RAVER1: variants seen among roughly 807,000 people sequenced by gnomAD.
RAVER1 encodes the protein ribonucleoprotein PTB-binding 1.
RAVER1 carries 36 observed loss-of-function variants against 68.4 expected under a neutral mutation model. The ratio of observed to expected loss-of-function variants is 0.53; its 90% CI spans 0.40 to 0.70. The LOEUF (loss-of-function observed/expected upper bound fraction) is 0.70, where lower values mean the gene tolerates loss of function less well. Among genes scored for constraint, RAVER1 ranks in the 30% least tolerant of loss-of-function variants. The pLI, the probability that RAVER1 is intolerant of heterozygous loss-of-function variation, is 0.00. For synonymous variants in RAVER1, 469 were observed against 472.7 expected, an observed-to-expected ratio of 0.99 and a Z score of 0.10; for missense variants, 933 against 1,019.8, an observed-to-expected ratio of 0.91 and a Z score of 1.16.
Position 10,317,216 on chromosome 19 carries a change from T to C in RAVER1, c.*238A>G. Reference sequence around the variant, plus strand: ...GGGAGGGAGAGCAGGCCGGGGCCCCTCTCTCTTAAGGCTGCAGGGTTTCAG... The same window carrying C: ...GGGAGGGAGAGCAGGCCGGGGCCCCCCTCTCTTAAGGCTGCAGGGTTTCAG... On this transcript the variant is annotated 3_prime_UTR_variant, in exon 13 of 13. Transcript: ENST00000617231. This position sits in a 1 kb window ranked among gnomAD's most constrained non-coding sequence, Gnocchi z 4.3. The C allele has an allele frequency of 1.8e-6, 1 of 543,688 alleles. No individual in the cohort carries two copies. The allele number at this position is 543,688 out of a possible 1,614,324, so 33.7% of individuals were successfully genotyped here. A position where few individuals can be genotyped will look rare whatever the true frequency, so the allele number is the denominator to read the frequency against.
Position 10,330,572 on chromosome 19 carries a change from G to A in RAVER1, c.220-46C>T, listed in dbSNP as rs750864005. On this transcript the variant is annotated intron_variant, in intron 1 of 12. Transcript: ENST00000617231. ...AGACAGGGAGTTACTGGAGATGGAAGGGGGCAACCCAGTGCCGCTTCATAG... is the reference window on the plus strand; with the variant it reads ...AGACAGGGAGTTACTGGAGATGGAAAGGGGCAACCCAGTGCCGCTTCATAG... The A allele has an allele frequency of 1.3e-5, 12 of 935,438 alleles. No homozygotes were observed. In the South Asian group the frequency reaches 1.5e-4, roughly 12 times the overall value. 57.9% of individuals were successfully genotyped at this position (935,438 alleles called of 1,614,324 possible).
At chr19:10,321,765 C>T (rs969281877) in intron 6 of RAVER1, 147 bp from the exon 7 acceptor site, 49 of 480,764 alleles carry the variant, frequency 1.0e-4, no homozygotes, top group Non-Finnish European at 1.2e-4. Flanking sequence ...CAGTGCCCGC[C>T]ACACTCCAAC....
rs578088311 is a variant in RAVER1, at chr19:10,316,906, A to C, written c.*548T>G. ...CAGGAGACAGCCATGCCTGCAGCAAATGTGGGAAAAACAGCTGTTTCAAAC... is the reference window on the plus strand; with the variant it reads ...CAGGAGACAGCCATGCCTGCAGCAACTGTGGGAAAAACAGCTGTTTCAAAC... On this transcript the variant is annotated 3_prime_UTR_variant, in exon 13 of 13. Transcript: ENST00000617231. 134 of 156,964 alleles carry C rather than the reference A, an allele frequency of 8.5e-4. No individual in the cohort carries two copies. Among genetic ancestry groups the C allele is most frequent in the Admixed American group, 2.9e-3 (44 of 15,414 alleles). 9.7% of individuals were successfully genotyped at this position (156,964 alleles called of 1,614,324 possible). A position where few individuals can be genotyped will look rare whatever the true frequency, so the allele number is the denominator to read the frequency against.
intron 1 of RAVER1, among the ~76,000 whole-genome samples, chr19:10,331,380 A>T (rs1599306251): frequency 7.7e-6 from 1 of 129,312 alleles, no homozygotes; most frequent in Admixed American, 8.3e-5. Context: ...AAAAAAAAAA[A>T]AAATAACAAC....
Position 10,317,812 on chromosome 19 carries a change from G to A in RAVER1, c.1990-39C>T, listed in dbSNP as rs749424874. 2.0e-5 allele frequency: 26 copies of A among 1,270,608 alleles called. No individual in the cohort carries two copies. In the South Asian group the frequency reaches 2.9e-4, roughly 14 times the overall value. 78.7% of individuals were successfully genotyped at this position (1,270,608 alleles called of 1,614,324 possible). Reference sequence around the variant, plus strand: ...AGAGGTGGAACAGGTCACTCCCTGGGGGCCAGAGGAAGCACCCACCCCGCC... The same window carrying A: ...AGAGGTGGAACAGGTCACTCCCTGGAGGCCAGAGGAAGCACCCACCCCGCC... On this transcript the variant is annotated intron_variant, in intron 11 of 12. Transcript: ENST00000617231. This position sits in a 1 kb window ranked among gnomAD's most constrained non-coding sequence, Gnocchi z 4.3.
intron 9 of RAVER1, 105 bp downstream of exon 9, chr19:10,320,550 C>A: frequency 9.6e-7 from 1 of 1,038,816 alleles, no homozygotes; most frequent in Non-Finnish European, 1.4e-6. Flanking sequence ...GGCACGTTCC[C>A]TGCCGCCTCC....
chr19:10,329,040 C>A lies in RAVER1; in HGVS notation c.358G>T (p.Glu120Ter). The A allele has an allele frequency of 6.5e-7, 1 of 1,541,256 alleles. No individual in the cohort carries two copies. The highest frequency in any genetic ancestry group is 1.2e-5 in the South Asian group (1 of 80,348). Residue 120 changes from glutamate (E) to a stop codon, truncating the protein, a stop_gained, in exon 3 of 13, where the codon GAG becomes TAG. Coordinates refer to ENST00000617231, the MANE Select transcript of RAVER1 (RefSeq NM_133452.3). LOFTEE classifies it high-confidence loss of function. This position sits in a 1 kb window ranked among gnomAD's most constrained non-coding sequence, Gnocchi z 4.6. ...TGCAGCTGCACCGACAGTTCACGCT[C>A]CCGCAGGCGGCTCTGGTGGAAAGCA... ...INAFHQSRLR[E>*]RELSVQLQPT... is the part of the protein sequence containing the mutation.
chr19:10,319,608 G>A (rs1425953027), intron 9 of RAVER1, among the ~76,000 whole-genome samples: 1 of 151,402 alleles, frequency 6.6e-6, no homozygotes, highest in East Asian at 1.9e-4. Flanking sequence ...TTTAAACGGA[G>A]TTTTGCTCTT....
chr19:10,321,726 G>T, intron 6 of RAVER1, 108 bp from the exon 7 acceptor site: 1 of 827,710 alleles, frequency 1.2e-6, no homozygotes. Context: ...GGGCACGGCC[G>T]ATCCTGGGCA....
chr19:10,323,094 C>A lies in RAVER1; in HGVS notation c.1078+51G>T. ...CAGTTTCGGGAAGTGCCGGGGGCAGCGCTGCAGCCCCTGTTCTGCACAGTG... is the reference window on the plus strand; with the variant it reads ...CAGTTTCGGGAAGTGCCGGGGGCAGAGCTGCAGCCCCTGTTCTGCACAGTG... On this transcript the variant is annotated intron_variant, in intron 5 of 12. Coordinates refer to ENST00000617231, the MANE Select transcript of RAVER1 (RefSeq NM_133452.3). The surrounding 1 kb of genome is among the most constrained non-coding windows in gnomAD (Gnocchi z 6.2). 1 of 1,446,208 alleles carries A rather than the reference C, an allele frequency of 6.9e-7. No homozygotes were observed. The highest frequency in any genetic ancestry group is 9.3e-7 in the Non-Finnish European group (1 of 1,080,990). The allele number at this position is 1,446,208 out of a possible 1,614,324, so 89.6% of individuals were successfully genotyped here. A position where few individuals can be genotyped will look rare whatever the true frequency, so the allele number is the denominator to read the frequency against.
rs183563122 is a variant in RAVER1, at chr19:10,333,305, C to T, written c.203G>A (p.Gly68Glu). The change falls in exon 1 of 13, where the codon GGG becomes GAG. Residue 68 changes from glycine (G) to glutamate (E), a missense_variant. Transcript: ENST00000617231. This position sits in a 1 kb window ranked among gnomAD's most constrained non-coding sequence, Gnocchi z 4.2. The part of the protein sequence containing the change: ...RRKILIRGLP[G>E]DVTNQEVHDL... The stretch of plus-strand genomic sequence containing the variant: ...CCCCAATACCTGGTTGGTCACGTCC[C>T]CCGGGAGGCCCCGGATCAGTATCTT... The T allele has an allele frequency of 2.6e-4, 413 of 1,613,788 alleles. 2 individuals carry two copies. The African/African-American group carries it at 5.0e-3, about 20-fold the overall frequency.
chr19:10,323,403 A>G lies in RAVER1; in HGVS notation c.920T>C (p.Leu307Pro). Residue 307 changes from leucine (L) to proline (P), a missense_variant, in exon 4 of 13, where the codon CTG becomes CCG. Transcript: ENST00000617231. This position sits in a 1 kb window ranked among gnomAD's most constrained non-coding sequence, Gnocchi z 6.2. Reference protein sequence around the residue: ...CAPGPPGRSMLAALIAAQATA... With the variant: ...CAPGPPGRSMPAALIAAQATA... Reference sequence around the variant, plus strand: ...GGCCTGGGCAGCGATGAGAGCGGCCAGCATACTGCGGCCGGGGGGCCCAGG... The same window carrying G: ...GGCCTGGGCAGCGATGAGAGCGGCCGGCATACTGCGGCCGGGGGGCCCAGG... The G allele has an allele frequency of 1.9e-6, 3 of 1,606,404 alleles. No individual in the cohort carries two copies. Among genetic ancestry groups the G allele is most frequent in the Non-Finnish European group, 2.5e-6 (3 of 1,177,064 alleles).
chr19:10,321,549 G>T lies in RAVER1; in HGVS notation c.1243C>A (p.Leu415Ile). The T allele has an allele frequency of 1.5e-6, 2 of 1,366,746 alleles. No homozygotes were observed. The highest frequency in any genetic ancestry group is 3.0e-5 in the African/African-American group (2 of 66,790). 84.7% of individuals were successfully genotyped at this position (1,366,746 alleles called of 1,614,324 possible). A position where few individuals can be genotyped will look rare whatever the true frequency, so the allele number is the denominator to read the frequency against. Reference protein sequence around the residue: ...QPGAQPANPLLGELPAGGGLP... With the variant: ...QPGAQPANPLIGELPAGGGLP... Reference sequence around the variant, plus strand: ...GCGTTACCTGCAGGCAGCTCCCCGAGGAGGGGGTTGGCTGGCTGGGCCCCA... The same window carrying T: ...GCGTTACCTGCAGGCAGCTCCCCGATGAGGGGGTTGGCTGGCTGGGCCCCA... The change falls in exon 7 of 13, where the codon CTC (leucine) becomes ATC (isoleucine). Residue 415 changes from leucine to isoleucine, a missense_variant. By Grantham distance (5) the Leu-to-Ile change is conservative. Around this residue, in one of 3 missense-constraint regions of RAVER1, gnomAD observed 699 missense variants for 731.1 expected, o/e 0.96. Coordinates refer to ENST00000617231, the MANE Select transcript of RAVER1 (RefSeq NM_133452.3).
chr19:10,323,706 C>T lies in RAVER1; in HGVS notation c.757-140G>A. 1.2e-6 allele frequency: 1 copy of T among 826,634 alleles called. No individual in the cohort carries two copies. The highest frequency in any genetic ancestry group is 1.8e-5 in the South Asian group (1 of 54,228). The allele number at this position is 826,634 out of a possible 1,614,324, so 51.2% of individuals were successfully genotyped here. A position where few individuals can be genotyped will look rare whatever the true frequency, so the allele number is the denominator to read the frequency against. On this transcript the variant is annotated intron_variant, in intron 3 of 12. Coordinates refer to ENST00000617231, the MANE Select transcript of RAVER1 (RefSeq NM_133452.3). The surrounding 1 kb of genome is among the most constrained non-coding windows in gnomAD (Gnocchi z 6.2). ...GCCTCCACTGCCCTGTGCCTCATTC[C>T]TGCATCAGCTCATCTGATTTTCCCA...
chr19:10,333,012 C>T lies in RAVER1; in HGVS notation c.219+277G>A, dbSNP rs1385149511. Among the ~76,000 whole-genome samples the T allele has an allele frequency of 6.6e-6, 1 of 152,184 alleles. No individual in the cohort carries two copies. Among genetic ancestry groups the T allele is most frequent in the Non-Finnish European group, 1.5e-5 (1 of 68,032 alleles). Reference sequence around the variant, plus strand: ...AATTCCCCAACAGGACCAAAGCTGTCCGCCCCCTTCCATTCCCCGCCCGCT... The same window carrying T: ...AATTCCCCAACAGGACCAAAGCTGTTCGCCCCCTTCCATTCCCCGCCCGCT... On this transcript the variant is annotated intron_variant, in intron 1 of 12. Transcript: ENST00000617231. The surrounding 1 kb of genome is among the most constrained non-coding windows in gnomAD (Gnocchi z 4.2).
intron 1 of RAVER1, among the ~76,000 whole-genome samples, chr19:10,332,338 G>A (rs191176592): frequency 1.3e-5 from 2 of 152,250 alleles, no homozygotes; most frequent in Admixed American, 6.5e-5. Flanking sequence ...GCGCCTGCTG[G>A]GACCAGACAC....
At chr19:10,327,139 C>T (rs2040481563) in intron 3 of RAVER1, among the ~76,000 whole-genome samples, 1 of 152,080 alleles carries the variant, frequency 6.6e-6, no homozygotes, top group African/African-American at 2.4e-5. Flanking sequence ...CTCCTGGTCT[C>T]GAGTGATCCT....
Sources: gnomAD v4.1 joint callset for allele counts (sites outside exome capture counted in the v4.1 genomes callset) on GRCh38, gnomAD v4.1.1 for gene constraint, gnomAD v4.1.1 regional missense constraint, Gnocchi (gnomAD v3.1) non-coding constraint, MANE v1.5 for transcripts, NCBI Gene and HGNC (gene_info 2026-07-23, HGNC 2026-07-21) for gene names.